The following LRRIQ1 variants were observed in gnomAD, a reference collection of about 807,000 sequenced individuals.
LRRIQ1 encodes leucine rich repeats and IQ motif containing 1.
LRRIQ1 carries 210 observed loss-of-function variants against 211.9 expected under a neutral mutation model. The ratio of observed to expected loss-of-function variants is 0.99; its 90% CI spans 0.89 to 1.11. The LOEUF is 1.11. Among genes scored for constraint, LRRIQ1 ranks in the 50% most tolerant of loss-of-function variants. LRRIQ1 has a pLI of 0.00. For synonymous variants in LRRIQ1, 699 were observed against 650.1 expected (o/e 1.08, Z -1.14); for missense variants, 2,136 against 1,939.5 (o/e 1.10, Z -1.90).
chr12:85,157,289 GA>G (rs1156445079), intron 23 of LRRIQ1, among the ~76,000 whole-genome samples: 2 of 151,802 alleles, frequency 1.3e-5, no homozygotes, highest in Non-Finnish European at 2.9e-5. Flanking sequence ...AAAAGAGGAG[GA>G]GGGTGGAGAA....
intron 1 of LRRIQ1, among the ~76,000 whole-genome samples, chr12:85,255,898 A>G (rs1355951994): frequency 3.3e-5 from 5 of 151,804 alleles, no homozygotes; most frequent in African/African-American, 1.2e-4. Flanking sequence ...TGTTACACCA[A>G]GAGCATATTT....
intron 7 of LRRIQ1, among the ~76,000 whole-genome samples, chr12:85,054,060 C>G (rs999267085): frequency 1.3e-5 from 2 of 152,136 alleles, no homozygotes. Flanking sequence ...TCTATGATTG[C>G]AAATTTGATG....
chr12:85,040,558 T>A lies in LRRIQ1; in HGVS notation c.201T>A (p.Val67=), dbSNP rs761494011. The stretch of plus-strand genomic sequence containing the variant: ...TCATAAAGAACAGGAGTAAAGCTGT[T>A]GAAGAGCTCATTCTTCAGGACCTGG... ...INIIKNRSKA[V]EELILQDLED... is the part of the protein sequence containing the mutation. The change falls in exon 3 of 27, where the codon GTT becomes GTA. Residue 67 remains valine (V), a synonymous_variant. Coordinates refer to ENST00000393217, the MANE Select transcript of LRRIQ1 (RefSeq NM_001079910.2). The A allele has an allele frequency of 6.2e-7, 1 of 1,600,116 alleles. No homozygotes were observed. Among genetic ancestry groups the A allele is most frequent in the Non-Finnish European group, 8.5e-7 (1 of 1,172,104 alleles).
intron 8 of LRRIQ1, among the ~76,000 whole-genome samples, chr12:85,064,820 G>A (rs1399815149): frequency 2.0e-5 from 3 of 151,638 alleles, no homozygotes; most frequent in South Asian, 4.2e-4. Context: ...CACCTTTGTC[G>A]AAAATGAGTT....
At chr12:85,156,808 C>T (rs182377189) in intron 23 of LRRIQ1, among the ~76,000 whole-genome samples, 56 of 151,658 alleles carry the variant, frequency 3.7e-4, no homozygotes, top group Non-Finnish European at 5.8e-4. Flanking sequence ...ACTAGATCTA[C>T]GGGAGTGGGG....
exon 2 of LRRIQ1, chr12:85,263,012 C>A: frequency 1.0e-6 from 1 of 987,878 alleles, no homozygotes; most frequent in South Asian, 4.7e-5. Context: ...CTGTACAACT[C>A]AGTGGTGGAT....
intron 15 of LRRIQ1, among the ~76,000 whole-genome samples, chr12:85,108,821 A>G (rs968707850): frequency 6.6e-6 from 1 of 152,192 alleles, no homozygotes; most frequent in African/African-American, 2.4e-5. Context: ...TGAGTTTGCC[A>G]ATACAAACAT....
intron 24 of LRRIQ1, among the ~76,000 whole-genome samples, chr12:85,176,453 GA>G (rs1237288154): frequency 6.6e-6 from 1 of 151,554 alleles, no homozygotes; most frequent in East Asian, 1.9e-4. Flanking sequence ...GGACATGGAT[GA>G]AATTGGAAAT....
chr12:85,113,907 TTG>T (rs71076112), intron 15 of LRRIQ1, among the ~76,000 whole-genome samples: 32,709 of 140,652 alleles, frequency 0.23, 4,042 homozygotes, highest in Admixed American at 0.32. Context: ...CAAATGAGTT[TTG>T]TGTGTGTGTG....
At chr12:85,122,683 G>T (rs368301447) in intron 16 of LRRIQ1, among the ~76,000 whole-genome samples, 1 of 151,806 alleles carries the variant, frequency 6.6e-6, no homozygotes, top group Non-Finnish European at 1.5e-5. Context: ...GTAAAAGTTC[G>T]TTTTCTGTGT....
chr12:85,115,688 G>T (rs1051689333), intron 15 of LRRIQ1, among the ~76,000 whole-genome samples: 5 of 151,986 alleles, frequency 3.3e-5, no homozygotes, highest in Non-Finnish European at 7.4e-5. Context: ...TCATTACTTT[G>T]TTCCTTGCTG....
At chr12:85,214,228 G>A (rs2068417) in intron 24 of LRRIQ1, among the ~76,000 whole-genome samples, 2 of 113,232 alleles carry the variant, frequency 1.8e-5, no homozygotes, top group African/African-American at 1.3e-4. Context: ...AAATGCTAAA[G>A]AAAAGCTTTA....
At chr12:85,144,083 A>G (rs1318241097) in intron 19 of LRRIQ1, among the ~76,000 whole-genome samples, 1 of 151,504 alleles carries the variant, frequency 6.6e-6, no homozygotes, top group Non-Finnish European at 1.5e-5. Context: ...GCCCTCAAGT[A>G]GGCCCCAGTG....
chr12:85,061,507 T>TTA (rs1326041161), intron 8 of LRRIQ1, among the ~76,000 whole-genome samples: 2 of 151,782 alleles, frequency 1.3e-5, no homozygotes, highest in African/African-American at 4.8e-5. Context: ...TGTACTATAA[T>TTA]AAGATTAAAG....
chr12:85,217,238 TTC>T (rs1351793222), intron 24 of LRRIQ1, among the ~76,000 whole-genome samples: 2 of 151,218 alleles, frequency 1.3e-5, no homozygotes, highest in African/African-American at 4.9e-5. Context: ...CTATAAGCAT[TTC>T]TGTTATATAG....
At chr12:85,125,922 G>A (rs955715044) in intron 17 of LRRIQ1, among the ~76,000 whole-genome samples, 1 of 152,138 alleles carries the variant, frequency 6.6e-6, no homozygotes, top group Non-Finnish European at 1.5e-5. Flanking sequence ...AAACGGGAAA[G>A]AAAATGTATA....
At chr12:85,222,816 T>C (rs1356722289) in intron 24 of LRRIQ1, among the ~76,000 whole-genome samples, 1 of 152,260 alleles carries the variant, frequency 6.6e-6, no homozygotes, top group African/African-American at 2.4e-5. Flanking sequence ...GAAGAGAACC[T>C]CTTCTGTTGT....
At chr12:85,132,780 T>A (rs927245444) in intron 18 of LRRIQ1, among the ~76,000 whole-genome samples, 20 of 150,812 alleles carry the variant, frequency 1.3e-4, no homozygotes, top group African/African-American at 4.9e-4. Context: ...AAAAAATAAA[T>A]AAATAAAATA....
chr12:85,062,490 G>T (rs1881942101), intron 8 of LRRIQ1, among the ~76,000 whole-genome samples: 2 of 151,456 alleles, frequency 1.3e-5, no homozygotes, highest in Admixed American at 1.3e-4. Context: ...TTGGGATAGT[G>T]GTTTCCACTT....
Sources: gnomAD v4.1 joint callset for allele counts (sites outside exome capture counted in the v4.1 genomes callset) on GRCh38, gnomAD v4.1.1 for gene constraint, MANE v1.5 for transcripts, NCBI Gene and HGNC (gene_info 2026-07-23, HGNC 2026-07-21) for gene names.